FBXL20: variants seen among roughly 807,000 people sequenced by gnomAD.
FBXL20 encodes F-box and leucine rich repeat protein 20, also known as F-box/LRR-repeat protein 20.
Under a neutral mutation model 64.0 loss-of-function variants are expected in FBXL20, and 11 were observed. That is an observed-to-expected ratio of 0.17 (90% CI 0.11 to 0.28). The LOEUF (loss-of-function observed/expected upper bound fraction) is 0.28, where lower values mean the gene tolerates loss of function less well. Among genes scored for constraint, FBXL20 ranks in the 10% least tolerant of loss-of-function variants. The probability of loss-of-function intolerance (pLI) is 1.00; values close to 1 mark genes in which losing one functional copy is unlikely to be tolerated. For missense variants in FBXL20, 303 were observed against 526.2 expected (o/e 0.58, Z 4.15); for synonymous variants, 184 against 189.0 (o/e 0.97, Z 0.22).
intron 2 of FBXL20, among the ~76,000 whole-genome samples, 190 bp from the exon 3 acceptor site, chr17:39,303,829 G>A (rs775128731): frequency 3.9e-5 from 6 of 152,138 alleles, no homozygotes; most frequent in Non-Finnish European, 4.4e-5. Context: ...TAGGACTAGA[G>A]ATGCGTGCCA....
At position 39,363,809 on chromosome 17, in the gene FBXL20, T is replaced by TCAAAAAAAACAAAA. The variant is rs2047823567; in HGVS notation, c.43-20569_43-20568insTTTTGTTTTTTTTG. Reference sequence around the variant, plus strand: ...CTGGGTGACAGAGCAAGACTTTATCTCAAAAAAAAAAAAAAAACAAAAAAC... The same window carrying TCAAAAAAAACAAAA: ...CTGGGTGACAGAGCAAGACTTTATCTCAAAAAAAACAAAACAAAAAAAAAAAAAAAACAAAAAAC... On this transcript the variant is annotated intron_variant, in intron 1 of 14. Transcript: ENST00000264658. 1.2e-4 allele frequency among the ~76,000 whole-genome samples: 3 copies of TCAAAAAAAACAAAA among 24,166 alleles called. No individual in the cohort carries two copies. The Admixed American group carries it at 1.6e-3, about 13-fold the overall frequency. 15.9% of individuals were successfully genotyped at this position (24,166 alleles called of 152,430 possible). A position where few individuals can be genotyped will look rare whatever the true frequency, so the allele number is the denominator to read the frequency against.
At chr17:39,368,276 T>C (rs948073103) in intron 1 of FBXL20, among the ~76,000 whole-genome samples, 1 of 151,990 alleles carries the variant, frequency 6.6e-6, no homozygotes, top group African/African-American at 2.4e-5. Context: ...CCTGTAGTCC[T>C]AGCTACTCAG....
intron 2 of FBXL20, among the ~76,000 whole-genome samples, chr17:39,329,593 T>C (rs966500825): frequency 3.9e-5 from 6 of 152,176 alleles, no homozygotes; most frequent in African/African-American, 1.4e-4. Context: ...TATCTATCTA[T>C]CTTAGATATA....
intron 2 of FBXL20, among the ~76,000 whole-genome samples, chr17:39,334,986 A>G (rs12451001): frequency 0.038 from 5,858 of 152,230 alleles, 144 homozygotes; most frequent in Non-Finnish European, 0.058. Context: ...AGAAAACCCA[A>G]TTCCCCCTGA....
At position 39,258,196 on chromosome 17, in the gene FBXL20, G is replaced by T. The variant is rs961040151; in HGVS notation, c.*3264C>A. ...CAGATCAATTAGCTTTTCCTGTAAAGAATTTTTCCTACATTAAGCCTTACT... is the reference window on the plus strand; with the variant it reads ...CAGATCAATTAGCTTTTCCTGTAAATAATTTTTCCTACATTAAGCCTTACT... On this transcript the variant is annotated 3_prime_UTR_variant, in exon 15 of 15. Transcript: ENST00000264658. 7.9e-5 allele frequency: 12 copies of T among 152,106 alleles called. No individual in the cohort carries two copies. Among genetic ancestry groups the T allele is most frequent in the Admixed American group, 7.9e-4 (12 of 15,262 alleles). The allele number at this position is 152,106 out of a possible 1,614,324, so 9.4% of individuals were successfully genotyped here. A position where few individuals can be genotyped will look rare whatever the true frequency, so the allele number is the denominator to read the frequency against.
chr17:39,321,715 G>C (rs1236421033), intron 2 of FBXL20, among the ~76,000 whole-genome samples: 3 of 151,316 alleles, frequency 2.0e-5, no homozygotes, highest in Non-Finnish European at 4.4e-5. Flanking sequence ...GGGAGGTGGA[G>C]GTTGCAGTGA....
At chr17:39,287,901 A>G (rs1376500375) in intron 6 of FBXL20, among the ~76,000 whole-genome samples, 1 of 152,012 alleles carries the variant, frequency 6.6e-6, no homozygotes, top group Non-Finnish European at 1.5e-5. Context: ...CTTTTTGAAT[A>G]CAGCTATCTT....
At chr17:39,357,897 T>C (rs559799227) in intron 1 of FBXL20, among the ~76,000 whole-genome samples, 1 of 152,344 alleles carries the variant, frequency 6.6e-6, no homozygotes, top group Admixed American at 6.5e-5. Flanking sequence ...CAGTATTTGC[T>C]TATCTGGAAA....
intron 1 of FBXL20, among the ~76,000 whole-genome samples, chr17:39,384,137 A>C (rs1159765846): frequency 6.6e-6 from 1 of 152,046 alleles, no homozygotes; most frequent in East Asian, 1.9e-4. Flanking sequence ...TGGGAGGGTA[A>C]GGTGGAAGAT....
At chr17:39,369,226 T>A (rs77957363) in intron 1 of FBXL20, among the ~76,000 whole-genome samples, 9 of 150,684 alleles carry the variant, frequency 6.0e-5, no homozygotes, top group Admixed American at 4.6e-4. Context: ...GAATAAATAA[T>A]GCCTCAAACA....
chr17:39,304,421 G>C (rs2047163414), intron 2 of FBXL20, among the ~76,000 whole-genome samples: 1 of 152,044 alleles, frequency 6.6e-6, no homozygotes, highest in Non-Finnish European at 1.5e-5. Context: ...CTGAGTAGCT[G>C]GGATAACAGG....
chr17:39,304,445 G>C (rs997251087), intron 2 of FBXL20, among the ~76,000 whole-genome samples: 3 of 152,068 alleles, frequency 2.0e-5, no homozygotes, highest in African/African-American at 7.2e-5. Flanking sequence ...ATGCCACAAA[G>C]CCTGGCTAAT....
chr17:39,351,464 T>C (rs996555573), intron 1 of FBXL20, among the ~76,000 whole-genome samples: 1 of 151,940 alleles, frequency 6.6e-6, no homozygotes, highest in Non-Finnish European at 1.5e-5. Flanking sequence ...ATAAAAGCAA[T>C]AGAATATGTG....
chr17:39,308,079 T>C (rs2047198869), intron 2 of FBXL20, among the ~76,000 whole-genome samples: 4 of 151,546 alleles, frequency 2.6e-5, no homozygotes. Flanking sequence ...CACACCTATA[T>C]ATAATCCTAG....
intron 2 of FBXL20, among the ~76,000 whole-genome samples, chr17:39,306,877 C>T (rs1197383369): frequency 6.6e-6 from 1 of 152,102 alleles, no homozygotes; most frequent in Non-Finnish European, 1.5e-5. Context: ...GAGGGTTAAG[C>T]AAGGAGCAAC....
chr17:39,393,444 G>T (rs2048154151), intron 1 of FBXL20, among the ~76,000 whole-genome samples: 1 of 152,060 alleles, frequency 6.6e-6, no homozygotes, highest in African/African-American at 2.4e-5. Flanking sequence ...TTTGGGCTGG[G>T]ATTTTATATA....
At chr17:39,317,187 G>A (rs2047301003) in intron 2 of FBXL20, among the ~76,000 whole-genome samples, 1 of 152,132 alleles carries the variant, frequency 6.6e-6, no homozygotes, top group South Asian at 2.1e-4. Flanking sequence ...GATGAAAAAT[G>A]TGTGAAAATC....
chr17:39,360,730 C>T (rs775537300), intron 1 of FBXL20, among the ~76,000 whole-genome samples: 1 of 152,136 alleles, frequency 6.6e-6, no homozygotes, highest in Non-Finnish European at 1.5e-5. Flanking sequence ...GCCTTGCTGA[C>T]CAACAGTGGC....
chr17:39,343,138 C>T, intron 2 of FBXL20, 42 bp downstream of exon 2: 1 of 1,449,468 alleles, frequency 6.9e-7, no homozygotes. Context: ...GCAAATATGA[C>T]ATACACATAA....
Sources: allele counts gnomAD v4.1 joint callset (sites outside exome capture counted in the v4.1 genomes callset), GRCh38; gene constraint gnomAD v4.1.1; transcripts MANE v1.5; gene names NCBI Gene and HGNC (gene_info 2026-07-23, HGNC 2026-07-21).